Variants in ZNF618 observed in about 807,000 individuals in gnomAD.
ZNF618 encodes the protein neural precursor cell expressed, developmentally down-regulated 10.
ZNF618 carries 34 observed loss-of-function variants against 103.0 expected under a neutral mutation model. The ratio of observed to expected loss-of-function variants is 0.33; its 90% confidence interval spans 0.25 to 0.44. The LOEUF is 0.44. ZNF618 is among the 20% of genes least tolerant of loss of function. ZNF618 has a pLI of 1.00. For missense variants in ZNF618, 1,059 were observed against 1,295.4 expected, an observed-to-expected ratio of 0.82 and a Z score of 2.80; for synonymous variants, 551 against 542.2, an observed-to-expected ratio of 1.02 and a Z score of -0.23.
Position 114,052,054 on chromosome 9 carries a change from A to G in ZNF618, c.*1887A>G, listed in dbSNP as rs1014125706. The G allele has an allele frequency of 6.6e-6, 1 of 152,614 alleles. No individual in the cohort carries two copies. Among genetic ancestry groups the G allele is most frequent in the African/African-American group, 2.4e-5 (1 of 41,434 alleles). The allele number at this position is 152,614 out of a possible 1,614,324, so 9.5% of individuals were successfully genotyped here. A position where few individuals can be genotyped will look rare whatever the true frequency, so the allele number is the denominator to read the frequency against. Reference sequence around the variant, plus strand: ...GCTAAGTCAACTCCACCCCTTCCCAATAATAAAGCATCACTCAACTGTGAG... The same window carrying G: ...GCTAAGTCAACTCCACCCCTTCCCAGTAATAAAGCATCACTCAACTGTGAG... On this transcript the variant is annotated 3_prime_UTR_variant, in exon 15 of 15. Transcript: ENST00000374126.
At chr9:113,910,170 T>C (rs777773914) in intron 1 of ZNF618, among the ~76,000 whole-genome samples, 2 of 152,112 alleles carry the variant, frequency 1.3e-5, no homozygotes, top group African/African-American at 2.4e-5. Flanking sequence ...CACCTTGATT[T>C]TCCACCTCCC....
chr9:113,931,853 A>G (rs1833617868), intron 1 of ZNF618, among the ~76,000 whole-genome samples: 2 of 152,228 alleles, frequency 1.3e-5, no homozygotes, highest in Admixed American at 1.3e-4. Flanking sequence ...GTCTACTAGA[A>G]GATTTAACAT....
rs757800439 is a variant in ZNF618, at chr9:114,049,023, A to G, written c.1721A>G (p.Asn574Ser). The G allele has an allele frequency of 7.4e-6, 12 of 1,613,244 alleles. No homozygotes were observed. Among genetic ancestry groups the G allele is most frequent in the Middle Eastern group, 1.6e-4 (1 of 6,082 alleles). The change falls in exon 15 of 15, where the codon AAC becomes AGC. Residue 574 changes from asparagine to serine, a missense_variant. Physicochemically the swap from Asn to Ser is conservative, Grantham distance 46. This residue lies in a region of ZNF618 where 272 missense variants were observed against 380.1 expected (regional missense o/e 0.72). Coordinates refer to ENST00000374126, the MANE Select transcript of ZNF618 (RefSeq NM_001318042.2). ...CTCACAGCCTACCAGGCCGAGGGCA[A>G]CCACATCAAGAGCTATGTGCTTGGT... The part of the protein sequence containing the change: ...YILTAYQAEG[N>S]HIKSYVLGVK...
rs565598706 is a variant in ZNF618 at position 114,055,223 on chromosome 9, G to C, written c.*5056G>C. ...AGACCAGCCGGAAGGAGGGGCTCCT[G>C]CCATAACCCAGGTGCCAGCCGGTCT... On this transcript the variant is annotated 3_prime_UTR_variant, in exon 15 of 15. Coordinates refer to ENST00000374126, the MANE Select transcript of ZNF618 (RefSeq NM_001318042.2). 182 of 152,288 alleles carry C rather than the reference G, an allele frequency of 1.2e-3. 1 individual carries two copies. The highest frequency in any genetic ancestry group is 4.3e-3 in the African/African-American group (178 of 41,558). 9.4% of individuals were successfully genotyped at this position (152,288 alleles called of 1,614,324 possible).
intron 1 of ZNF618, among the ~76,000 whole-genome samples, chr9:113,899,626 A>G (rs2131211807): frequency 6.6e-6 from 1 of 152,350 alleles, no homozygotes; most frequent in Admixed American, 6.5e-5. Flanking sequence ...ACCTCTGTCC[A>G]TGGAAAAACT....
rs77437837 is a variant in ZNF618 at position 113,930,081 on chromosome 9, A to G, written c.34-39036A>G. Among the ~76,000 whole-genome samples, 22 of 152,268 alleles carry G rather than the reference A, an allele frequency of 1.4e-4. No individual in the cohort carries two copies. The East Asian group carries it at 3.3e-3, about 23-fold the overall frequency. ...AGTGGTCCTAGGTTGTGATAAACCA[A>G]TGGCCCTCATTCATTCCTCCTTGTT... is the stretch of plus-strand genomic sequence containing the variant. On this transcript the variant is annotated intron_variant, in intron 1 of 14. Coordinates refer to ENST00000374126, the MANE Select transcript of ZNF618 (RefSeq NM_001318042.2).
At chr9:113,958,426 G>C (rs1588151458) in intron 1 of ZNF618, among the ~76,000 whole-genome samples, 1 of 152,176 alleles carries the variant, frequency 6.6e-6, no homozygotes, top group East Asian at 1.9e-4. Context: ...GTGGATGCTG[G>C]CCACTTCTAG....
chr9:114,022,630 G>A (rs1209930858), intron 10 of ZNF618, among the ~76,000 whole-genome samples: 5 of 135,592 alleles, frequency 3.7e-5, no homozygotes, highest in Admixed American at 7.7e-5. Context: ...AAGGCATCTC[G>A]TATTGTCAGT....
rs760506188 is a variant in ZNF618 at position 114,049,885 on chromosome 9, C to G, written c.2583C>G (p.Pro861=). The G allele has an allele frequency of 6.2e-7, 1 of 1,613,932 alleles. No homozygotes were observed. Among genetic ancestry groups the G allele is most frequent in the Non-Finnish European group, 8.5e-7 (1 of 1,179,902 alleles). Residue 861 remains proline (P), a synonymous_variant, in exon 15 of 15, where the codon CCC becomes CCG. Transcript: ENST00000374126. ...KKPRSAAVEN[P]AAQEDDRLGK... ...CCCGCTCTGCTGCCGTCGAGAACCC[C>G]GCAGCTCAGGAAGATGATCGGCTAG...
At chr9:114,015,996 C>A in intron 9 of ZNF618, 1 of 921,666 alleles carries the variant, frequency 1.1e-6, no homozygotes, top group South Asian at 1.6e-5. Context: ...GGGACCAGGG[C>A]ACCCTCCCCC....
Position 114,032,663 on chromosome 9 carries a change from G to A in ZNF618, c.1103G>A (p.Arg368Gln), listed in dbSNP as rs368348304. 5.2e-5 allele frequency: 84 copies of A among 1,613,994 alleles called. No individual in the cohort carries two copies. In the African/African-American group the frequency reaches 8.1e-4, roughly 16 times the overall value. The change falls in exon 12 of 15, where the codon CGG (arginine) becomes CAG (glutamine). Residue 368 changes from arginine to glutamine, a missense_variant. This residue lies in a region of ZNF618 where 434 missense variants were observed against 476.0 expected (regional missense o/e 0.91). Transcript: ENST00000374126. ...CACCCAGCAGAAAGCGCTTTCAGTC[G>A]GAGAGTAGAAGGCAAAGCACAAAAC... Reference protein sequence around the residue: ...KATAAESAFSRRVEGKAQNHF... With the variant: ...KATAAESAFSQRVEGKAQNHF...
At chr9:113,973,279 A>G (rs2132922008) in intron 2 of ZNF618, among the ~76,000 whole-genome samples, 1 of 152,242 alleles carries the variant, frequency 6.6e-6, no homozygotes, top group Non-Finnish European at 1.5e-5. Flanking sequence ...AATGACCTTG[A>G]AGGACCCCCA....
At chr9:113,940,188 CT>C (rs1834421382) in intron 1 of ZNF618, among the ~76,000 whole-genome samples, 1 of 150,916 alleles carries the variant, frequency 6.6e-6, no homozygotes, top group Non-Finnish European at 1.5e-5. Flanking sequence ...CTTTTTGTGG[CT>C]TTTGTTTAGT....
intron 6 of ZNF618, among the ~76,000 whole-genome samples, chr9:114,006,226 C>T (rs1841743955): frequency 6.6e-6 from 1 of 152,164 alleles, no homozygotes; most frequent in Non-Finnish European, 1.5e-5. Flanking sequence ...GGAGGGGGAC[C>T]AGGAGAGAGG....
intron 1 of ZNF618, among the ~76,000 whole-genome samples, chr9:113,933,770 A>G (rs1351525771): frequency 6.6e-6 from 1 of 152,150 alleles, no homozygotes; most frequent in Non-Finnish European, 1.5e-5. Context: ...AGAGAGGTCT[A>G]AAGATGGAAA....
chr9:114,049,007 T>C lies in ZNF618; in HGVS notation c.1705T>C (p.Tyr569His). The C allele has an allele frequency of 6.2e-7, 1 of 1,613,394 alleles. No homozygotes were observed. The highest frequency in any genetic ancestry group is 8.5e-7 in the Non-Finnish European group (1 of 1,179,492). The change falls in exon 15 of 15, where the codon TAC (tyrosine) becomes CAC (histidine). Residue 569 changes from tyrosine to histidine, a missense_variant. Around this residue, in one of 6 missense-constraint regions of ZNF618, gnomAD observed 272 missense variants for 380.1 expected, o/e 0.72. Coordinates refer to ENST00000374126, the MANE Select transcript of ZNF618 (RefSeq NM_001318042.2). Reference sequence around the variant, plus strand: ...TGACTCCTGCTACATCCTCACAGCCTACCAGGCCGAGGGCAACCACATCAA... The same window carrying C: ...TGACTCCTGCTACATCCTCACAGCCCACCAGGCCGAGGGCAACCACATCAA... ...GPDSCYILTA[Y>H]QAEGNHIKSY...
intron 3 of ZNF618, among the ~76,000 whole-genome samples, chr9:113,992,163 T>C (rs925026171): frequency 6.6e-6 from 1 of 152,190 alleles, no homozygotes; most frequent in African/African-American, 2.4e-5. Flanking sequence ...GAGTTCTCTG[T>C]TGAGGATTCT....
intron 3 of ZNF618, among the ~76,000 whole-genome samples, chr9:113,991,632 A>G (rs539797111): frequency 2.0e-5 from 3 of 152,310 alleles, no homozygotes; most frequent in Admixed American, 2.0e-4. Context: ...GAAGTAAGCT[A>G]TTGTGATATA....
intron 1 of ZNF618, among the ~76,000 whole-genome samples, chr9:113,878,277 C>T (rs1266554823): frequency 6.6e-6 from 1 of 151,590 alleles, no homozygotes; most frequent in African/African-American, 2.4e-5. Flanking sequence ...GATTCTTATC[C>T]ATCTTCCTTG....
Sources: gnomAD v4.1 joint callset for allele counts (sites outside exome capture counted in the v4.1 genomes callset) on GRCh38, gnomAD v4.1.1 for gene constraint, gnomAD v4.1.1 regional missense constraint, MANE v1.5 for transcripts, NCBI Gene and HGNC (gene_info 2026-07-23, HGNC 2026-07-21) for gene names.